Variants in DENND2B observed in about 807,000 individuals in gnomAD.
The protein encoded by DENND2B is DENN domain-containing protein 2B.
A neutral mutation model predicts 116.0 loss-of-function variants in DENND2B; 32 were observed. That is an observed-to-expected ratio of 0.28 (90% CI 0.21 to 0.37). DENND2B has a LOEUF of 0.37. DENND2B is among the 10% of genes least tolerant of loss of function. DENND2B has a pLI of 1.00. For synonymous variants in DENND2B, 588 were observed against 583.9 expected, an observed-to-expected ratio of 1.01 and a Z score of -0.10; for missense variants, 1,276 against 1,477.7, an observed-to-expected ratio of 0.86 and a Z score of 2.24.
intron 1 of DENND2B, chr11:8,757,133 CAG>C (rs1365765644): frequency 1.1e-5 from 5 of 454,982 alleles, no homozygotes; most frequent in African/African-American, 2.0e-5. Context: ...GCCTTGAGTC[CAG>C]CCCTGCCTCT....
intron 2 of DENND2B, among the ~76,000 whole-genome samples, chr11:8,745,545 C>T (rs1055271888): frequency 3.3e-5 from 5 of 152,224 alleles, no homozygotes; most frequent in Non-Finnish European, 7.3e-5. Flanking sequence ...TCCCATTCCA[C>T]ATACCTTCTT....
At chr11:8,783,330 A>C (rs2058585214) in intron 1 of DENND2B, among the ~76,000 whole-genome samples, 1 of 152,190 alleles carries the variant, frequency 6.6e-6, no homozygotes, top group South Asian at 2.1e-4. Context: ...TTAATAACAG[A>C]AACAACCCAA....
Position 8,775,440 on chromosome 11 carries a change from G to A in DENND2B, c.-25-24715C>T, listed in dbSNP as rs187194650. On this transcript the variant is annotated intron_variant, in intron 1 of 19. Transcript: ENST00000313726. The stretch of plus-strand genomic sequence containing the variant: ...AAGCCCTGGGAGAGAGGCAGTTCCC[G>A]GGCTTCAGATTCCACTGACAGGTTG... Among the ~76,000 whole-genome samples the A allele has an allele frequency of 6.7e-4, 102 of 152,272 alleles. 1 individual carries two copies. Among genetic ancestry groups the A allele is most frequent in the African/African-American group, 2.3e-3 (97 of 41,546 alleles).
intron 1 of DENND2B, among the ~76,000 whole-genome samples, chr11:8,770,027 T>G (rs975819561): frequency 1.3e-5 from 2 of 152,044 alleles, no homozygotes; most frequent in African/African-American, 4.8e-5. Flanking sequence ...TAACAGCAGC[T>G]CAAATCCTGG....
At chr11:8,826,579 G>A (rs974888175) in intron 4 of DENND2B, among the ~76,000 whole-genome samples, 1 of 152,202 alleles carries the variant, frequency 6.6e-6, no homozygotes, top group Non-Finnish European at 1.5e-5. Context: ...GGAGAGAGAA[G>A]AGCAGTGGCC....
intron 1 of DENND2B, among the ~76,000 whole-genome samples, chr11:8,789,143 C>T (rs1156296880): frequency 6.6e-6 from 1 of 152,102 alleles, no homozygotes. Flanking sequence ...TGGTATGATG[C>T]CTGGAGTTTG....
chr11:8,822,582 A>T (rs1032706489), intron 4 of DENND2B, among the ~76,000 whole-genome samples: 1 of 152,250 alleles, frequency 6.6e-6, no homozygotes, highest in African/African-American at 2.4e-5. Context: ...GATAGGATTT[A>T]AAACTGTCAG....
upstream of DENND2B, chr11:8,810,693 G>A (rs1254991477): frequency 1.3e-5 from 2 of 152,278 alleles, no homozygotes; most frequent in African/African-American, 2.4e-5. Context: ...ACTGCTAGCC[G>A]GCCAGGCCGG....
In DENND2B at chr11:8,835,382, A is replaced by C. The variant is rs116358622; in HGVS notation, c.-115+3928T>G. The stretch of plus-strand genomic sequence containing the variant: ...ACAATAGTGATGGCACTGATACTTC[A>C]AACCGTCTACTTTCATTCCCAAATG... On this transcript the variant is annotated intron_variant, in intron 4 of 6. Transcript: ENST00000524757. Among the ~76,000 whole-genome samples the C allele has an allele frequency of 2.8e-3, 430 of 152,344 alleles. 4 individuals carry two copies. Among genetic ancestry groups the C allele is most frequent in the African/African-American group, 0.01 (416 of 41,582 alleles).
At chr11:8,872,312 C>A (rs1215310197), upstream of DENND2B, among the ~76,000 whole-genome samples, 1 of 152,018 alleles carries the variant, frequency 6.6e-6, no homozygotes, top group Non-Finnish European at 1.5e-5. Flanking sequence ...CATGGTGAAA[C>A]CCCATCTCTA....
At chr11:8,776,251 T>A in intron 1 of DENND2B, 4 of 456,144 alleles carry the variant, frequency 8.8e-6, no homozygotes. Flanking sequence ...TTCTGCCCCA[T>A]GTTTCTGGGC....
rs562684881 is a variant in DENND2B, at chr11:8,857,815, G to A, written c.-249-379C>T. On this transcript the variant is annotated intron_variant, in intron 2 of 6. Coordinates refer to the DENND2B transcript ENST00000524757. ...TTTGGGCAGGTCCTACACCTCTCTG[G>A]GCTCAGTTTCCTGTCTATAAACAGA... Among the ~76,000 whole-genome samples the A allele has an allele frequency of 8.5e-5, 13 of 152,214 alleles. No individual in the cohort carries two copies. In the South Asian group the frequency reaches 2.3e-3, roughly 27 times the overall value.
At chr11:8,811,064 G>C, upstream of DENND2B, 1 of 384,430 alleles carries the variant, frequency 2.6e-6, no homozygotes, top group East Asian at 3.7e-5. Flanking sequence ...CCTGCCAGGG[G>C]GGAGGGAGCT....
chr11:8,871,348 A>C (rs2063778763), exon 1 of DENND2B: 1 of 152,274 alleles, frequency 6.6e-6, no homozygotes, highest in African/African-American at 2.4e-5. Flanking sequence ...TCACCATCCG[A>C]CCAAGAGTTG....
intron 1 of DENND2B, among the ~76,000 whole-genome samples, chr11:8,892,229 C>T (rs577684674): frequency 6.6e-6 from 1 of 152,236 alleles, no homozygotes; most frequent in South Asian, 2.1e-4. Context: ...GTCTCTGGGA[C>T]ACATTTAAAG....
chr11:8,751,146 C>T (rs368471547), intron 1 of DENND2B, among the ~76,000 whole-genome samples: 8 of 151,854 alleles, frequency 5.3e-5, no homozygotes, highest in East Asian at 1.9e-4. Flanking sequence ...GGTTTGTAAA[C>T]GCACCAATCA....
Position 8,857,674 on chromosome 11 carries a change from A to G in DENND2B, c.-249-238T>C, listed in dbSNP as rs11042101. Among the ~76,000 whole-genome samples, 969 of 152,098 alleles carry G rather than the reference A, an allele frequency of 6.4e-3. 9 individuals carry two copies. Among genetic ancestry groups the G allele is most frequent in the Non-Finnish European group, 0.012 (809 of 67,964 alleles). On this transcript the variant is annotated intron_variant, in intron 2 of 6. Coordinates refer to the DENND2B transcript ENST00000524757. Reference sequence around the variant, plus strand: ...TCATGCTGCCCCTGGTTACTCCCCAACCCCCAGAGTCCTCCTGGATTCTGA... The same window carrying G: ...TCATGCTGCCCCTGGTTACTCCCCAGCCCCCAGAGTCCTCCTGGATTCTGA...
chr11:8,738,109 G>A lies in DENND2B; in HGVS notation c.81-6900C>T, dbSNP rs1227080432. Among the ~76,000 whole-genome samples, 4 of 152,160 alleles carry A rather than the reference G, an allele frequency of 2.6e-5. No homozygotes were observed. In the East Asian group the frequency reaches 7.7e-4, roughly 29 times the overall value. ...AAGGTTGTCAGTGCAGATACAGAGG[G>A]CACAAATGCAGGAATAACACGCTTG... On this transcript the variant is annotated intron_variant, in intron 2 of 19. Transcript: ENST00000313726.
At chr11:8,799,228 C>A (rs909337960) in intron 1 of DENND2B, among the ~76,000 whole-genome samples, 4 of 152,190 alleles carry the variant, frequency 2.6e-5, no homozygotes, top group Non-Finnish European at 5.9e-5. Context: ...ATCTTCACAA[C>A]TGGCTCTCCC....
Sources: gnomAD v4.1 joint callset for allele counts (sites outside exome capture counted in the v4.1 genomes callset) on GRCh38, gnomAD v4.1.1 for gene constraint, MANE v1.5 for transcripts, NCBI Gene and HGNC (gene_info 2026-07-23, HGNC 2026-07-21) for gene names.